The following FBN1 variants were observed in gnomAD, a reference collection of about 807,000 sequenced individuals.
FBN1 encodes fibrillin-1.
In FBN1, 29 loss-of-function variants were observed where a neutral mutation model predicts 365.1. That is an observed-to-expected ratio of 0.08 (90% CI 0.06 to 0.11). The LOEUF (loss-of-function observed/expected upper bound fraction) is 0.11, where lower values mean the gene tolerates loss of function less well. FBN1 is among the 10% of genes least tolerant of loss of function. The pLI is 1.00. For missense variants in FBN1, 2,476 were observed against 3,703.2 expected, an observed-to-expected ratio of 0.67 and a Z score of 8.60; for synonymous variants, 1,210 against 1,270.5, an observed-to-expected ratio of 0.95 and a Z score of 1.01.
chr15:48,564,360 G>A (rs1425535345), intron 6 of FBN1, among the ~76,000 whole-genome samples: 1 of 152,144 alleles, frequency 6.6e-6, no homozygotes, highest in Admixed American at 6.5e-5. Flanking sequence ...ATCAACTGCT[G>A]GGACAGGAAA....
chr15:48,550,451 G>A (rs2044132788), intron 6 of FBN1, among the ~76,000 whole-genome samples: 1 of 152,112 alleles, frequency 6.6e-6, no homozygotes, highest in Admixed American at 6.6e-5. Flanking sequence ...CGCAAACTTT[G>A]TCAAATTTAC....
chr15:48,615,481 A>G (rs1889634477), intron 2 of FBN1, among the ~76,000 whole-genome samples: 1 of 152,192 alleles, frequency 6.6e-6, no homozygotes, highest in Non-Finnish European at 1.5e-5. Context: ...GGTAATATAA[A>G]CATTCTTTTT....
intron 13 of FBN1, among the ~76,000 whole-genome samples, chr15:48,512,918 A>G (rs1486181327): frequency 6.6e-6 from 1 of 152,188 alleles, no homozygotes; most frequent in African/African-American, 2.4e-5. Context: ...AGAGTCATTT[A>G]ATAAAAGGCA....
intron 6 of FBN1, among the ~76,000 whole-genome samples, chr15:48,542,049 G>T (rs192021956): frequency 6.6e-6 from 1 of 152,260 alleles, no homozygotes; most frequent in Admixed American, 6.5e-5. Flanking sequence ...TTAGCTCAAG[G>T]ATTGCTCTCC....
chr15:48,415,731 C>T lies in FBN1; in HGVS notation c.7856G>A (p.Gly2619Glu), dbSNP rs113926846. Residue 2619 changes from glycine to glutamate, a missense_variant, in exon 64 of 66, where the codon GGA becomes GAA. Physicochemically the swap from Gly to Glu is moderately conservative, Grantham distance 98 (BLOSUM62 -2). Coordinates refer to ENST00000316623, the MANE Select transcript of FBN1 (RefSeq NM_000138.5). ...CCCCAGGGTGTTGTGACAGGAGGCT[C>T]CTCCGCAGATGTGAGCGCTGAGGCA... The part of the protein sequence containing the change: ...NECLSAHICG[G>E]ASCHNTLGSY... 12 of 1,614,232 alleles carry T rather than the reference C, an allele frequency of 7.4e-6. No individual in the cohort carries two copies. Among genetic ancestry groups the T allele is most frequent in the Non-Finnish European group, 1.0e-5 (12 of 1,180,046 alleles).
chr15:48,600,284 T>C, intron 4 of FBN1, 50 bp from the exon 5 acceptor site: 1 of 1,306,414 alleles, frequency 7.7e-7, no homozygotes, highest in South Asian at 1.2e-5. Context: ...ATGCATAGAT[T>C]GCAACAGCTC....
chr15:48,512,174 A>G (rs1174443519), intron 13 of FBN1, among the ~76,000 whole-genome samples: 2 of 152,230 alleles, frequency 1.3e-5, no homozygotes, highest in Non-Finnish European at 2.9e-5. Context: ...AACAAAATTC[A>G]TAAATTTTGA....
intron 6 of FBN1, among the ~76,000 whole-genome samples, chr15:48,543,682 A>G (rs1422485318): frequency 6.6e-6 from 1 of 152,220 alleles, no homozygotes; most frequent in Admixed American, 6.5e-5. Flanking sequence ...CTTTCTCTTC[A>G]CCAAAAGAAG....
chr15:48,428,660 A>T (rs1007634130), intron 56 of FBN1, among the ~76,000 whole-genome samples, 189 bp from the exon 57 acceptor site: 1 of 150,778 alleles, frequency 6.6e-6, no homozygotes, highest in African/African-American at 2.4e-5. Context: ...TTCTTAACTT[A>T]GCTTTTGAAT....
At chr15:48,559,392 G>A (rs890797967) in intron 6 of FBN1, among the ~76,000 whole-genome samples, 1 of 152,166 alleles carries the variant, frequency 6.6e-6, no homozygotes, top group Non-Finnish European at 1.5e-5. Context: ...GCGGGTGGAG[G>A]CTGGATTCCC....
At position 48,607,005 on chromosome 15, in the gene FBN1, C is replaced by G. The variant is rs574285011; in HGVS notation, c.346+3723G>C. 9.2e-5 allele frequency among the ~76,000 whole-genome samples: 14 copies of G among 152,262 alleles called. No homozygotes were observed. In the East Asian group the frequency reaches 2.5e-3, roughly 27 times the overall value. On this transcript the variant is annotated intron_variant, in intron 4 of 65. Transcript: ENST00000316623. The stretch of plus-strand genomic sequence containing the variant: ...TGATGCCTTCCACCATGGGATGGCC[C>G]TCTATAGACATTGGTGCCATGCTCT...
At chr15:48,504,548 T>C (rs953179062) in intron 16 of FBN1, among the ~76,000 whole-genome samples, 4 of 152,224 alleles carry the variant, frequency 2.6e-5, no homozygotes, top group African/African-American at 9.6e-5. Flanking sequence ...TTCTTAAAAA[T>C]AATCTGGATA....
At chr15:48,413,074 T>G (rs1197846424) in intron 64 of FBN1, among the ~76,000 whole-genome samples, 3 of 152,210 alleles carry the variant, frequency 2.0e-5, no homozygotes, top group African/African-American at 7.2e-5. Context: ...GAATAGTAGA[T>G]GAGGGAGGCC....
chr15:48,443,501 T>C (rs1464482092), intron 49 of FBN1, among the ~76,000 whole-genome samples: 1 of 152,168 alleles, frequency 6.6e-6, no homozygotes, highest in African/African-American at 2.4e-5. Flanking sequence ...AAAAGTAAAA[T>C]AACATGCTTA....
At chr15:48,622,533 AC>A (rs1479293806) in intron 2 of FBN1, among the ~76,000 whole-genome samples, 1 of 152,186 alleles carries the variant, frequency 6.6e-6, no homozygotes, top group East Asian at 1.9e-4. Flanking sequence ...TCATTGTTGG[AC>A]CAATATCATG....
At position 48,472,597 on chromosome 15, in the gene FBN1, T is replaced by C. The variant is rs367797030; in HGVS notation, c.4290A>G (p.Glu1430=). The change falls in exon 35 of 66, where the codon GAA becomes GAG. Residue 1430 remains glutamate, a synonymous_variant. Transcript: ENST00000316623. ...CACTGGGCACGAAGCCCATGTCGCA[T>C]TCACAGCGGTATCCTCCTGGTGCAT... ...CLNAPGGYRC[E]CDMGFVPSAD... is the part of the protein sequence containing the mutation. 1 of 1,614,184 alleles carries C rather than the reference T, an allele frequency of 6.2e-7. No homozygotes were observed. The highest frequency in any genetic ancestry group is 8.5e-7 in the Non-Finnish European group (1 of 1,180,022).
rs557565215 is a variant in FBN1 at position 48,431,086 on chromosome 15, A to T, written c.6740-284T>A. ...CTCTCTTCTCCTTCCCTTATTTTTT[A>T]TTTATTTTTATTTTTATTTATTTAT... On this transcript the variant is annotated intron_variant, in intron 55 of 65. Coordinates refer to ENST00000316623, the MANE Select transcript of FBN1 (RefSeq NM_000138.5). Among the ~76,000 whole-genome samples, 7 of 151,456 alleles carry T rather than the reference A, an allele frequency of 4.6e-5. No individual in the cohort carries two copies. In the East Asian group the frequency reaches 1.2e-3, roughly 25 times the overall value.
Position 48,487,213 on chromosome 15 carries a change from T to G in FBN1, c.3464-13A>C, listed in dbSNP as rs2043515633. The G allele has an allele frequency of 1.2e-6, 2 of 1,613,954 alleles. No individual in the cohort carries two copies. Among genetic ancestry groups the G allele is most frequent in the Admixed American group, 1.7e-5 (1 of 60,010 alleles). ...CATTCATTGATGTCTGTCGGGAAAA[T>G]AAGAAGAACAAACACCCAAACATAA... On this transcript the variant is annotated splice_polypyrimidine_tract_variant and intron_variant, in intron 28 of 65. Transcript: ENST00000316623.
chr15:48,614,762 C>T (rs1418566000), intron 2 of FBN1, among the ~76,000 whole-genome samples: 2 of 152,152 alleles, frequency 1.3e-5, no homozygotes, highest in South Asian at 2.1e-4. Context: ...GAAATGTCTC[C>T]CTTGTGTGTA....
Sources: allele counts gnomAD v4.1 joint callset (sites outside exome capture counted in the v4.1 genomes callset), GRCh38; gene constraint gnomAD v4.1.1; transcripts MANE v1.5; gene names NCBI Gene and HGNC (gene_info 2026-07-23, HGNC 2026-07-21).